ZFHX2: variants seen among roughly 807,000 people sequenced by gnomAD.
The protein encoded by ZFHX2 is zinc finger homeobox protein 2.
A neutral mutation model predicts 164.8 loss-of-function variants in ZFHX2; 75 were observed. The observed-to-expected ratio is 0.46, with a 90% CI of 0.38 to 0.55. ZFHX2 has a LOEUF of 0.55. Among genes scored for constraint, ZFHX2 ranks in the 20% least tolerant of loss-of-function variants. ZFHX2 has a pLI of 0.00. For synonymous variants in ZFHX2, 1,217 were observed against 1,351.4 expected, an observed-to-expected ratio of 0.90 and a Z score of 2.18; for missense variants, 2,933 against 3,308.0, an observed-to-expected ratio of 0.89 and a Z score of 2.78.
At chr14:23,540,747 C>T (rs1312065341) in intron 1 of ZFHX2, among the ~76,000 whole-genome samples, 1 of 152,166 alleles carries the variant, frequency 6.6e-6, no homozygotes, top group African/African-American at 2.4e-5. Flanking sequence ...TTTCCTTACT[C>T]AGTTGTGAAG....
Position 23,523,193 on chromosome 14 carries a change from C to G in ZFHX2, c.6739+10G>C, listed in dbSNP as rs1010724194. 5 of 1,415,708 alleles carry G rather than the reference C, an allele frequency of 3.5e-6. No homozygotes were observed. The Admixed American group carries it at 1.6e-4, about 45-fold the overall frequency. The allele number at this position is 1,415,708 out of a possible 1,614,324, so 87.7% of individuals were successfully genotyped here. ...TCTGAAGTCCAGCTCCTCCCAGCCT[C>G]CCTACTCACCTGAATTGAAAGGAGC... On this transcript the variant is annotated intron_variant, in intron 9 of 9. Coordinates refer to ENST00000419474, the MANE Select transcript of ZFHX2 (RefSeq NM_033400.3). The surrounding 1 kb of genome is among the most constrained non-coding windows in gnomAD (Gnocchi z 4.1).
intron 1 of ZFHX2, among the ~76,000 whole-genome samples, chr14:23,550,845 G>C (rs940825986): frequency 3.3e-5 from 5 of 151,546 alleles, no homozygotes; most frequent in Non-Finnish European, 5.9e-5. Flanking sequence ...GCCCCAGCGC[G>C]CTAGCCCATC....
chr14:23,523,619 ACT>A lies in ZFHX2; in HGVS notation c.6321_6322del (p.Arg2107SerfsTer31). ...AGCATTCTGGAACCAGACCTGGATG[ACT>A]CTCTTGGGCAGCCCAATCTCCTCTC... On this transcript the variant is annotated frameshift_variant, in exon 9 of 10. Transcript: ENST00000419474. LOFTEE classifies it high-confidence loss of function. This position sits in a 1 kb window ranked among gnomAD's most constrained non-coding sequence, Gnocchi z 4.1. 1.3e-6 allele frequency: 2 copies of A among 1,557,424 alleles called. No individual in the cohort carries two copies. Among genetic ancestry groups the A allele is most frequent in the Non-Finnish European group, 1.7e-6 (2 of 1,157,746 alleles).
Position 23,534,461 on chromosome 14 carries a change from T to TGA in ZFHX2, c.863_864dup (p.Ile289SerfsTer2). ...GGGAGTTTTGGCTCCAGAAAGCTTA[T>TGA]GAGGGCCTTGCAGCCTTCATCTCCC... is the stretch of plus-strand genomic sequence containing the variant. On this transcript the variant is annotated frameshift_variant, in exon 2 of 10. Transcript: ENST00000419474. LOFTEE classifies it high-confidence loss of function. The surrounding 1 kb of genome is among the most constrained non-coding windows in gnomAD (Gnocchi z 4.5). 1 of 1,536,364 alleles carries TGA rather than the reference T, an allele frequency of 6.5e-7. No homozygotes were observed. Among genetic ancestry groups the TGA allele is most frequent in the Non-Finnish European group, 8.7e-7 (1 of 1,146,964 alleles).
At position 23,551,196 on chromosome 14, in the gene ZFHX2, C is replaced by T. The variant is rs1374028281; in HGVS notation, c.-50+147G>A. On this transcript the variant is annotated intron_variant, in intron 1 of 9. Transcript: ENST00000419474. This position sits in a 1 kb window ranked among gnomAD's most constrained non-coding sequence, Gnocchi z 5.3. ...CCGTCCTTGTCCCCTCCCCCAGCCC[C>T]TTCCCGTCCCTCTCCGTCCCCTCCA... 3 of 152,916 alleles carry T rather than the reference C, an allele frequency of 2.0e-5. No individual in the cohort carries two copies. The highest frequency in any genetic ancestry group is 7.2e-5 in the African/African-American group (3 of 41,538). The allele number at this position is 152,916 out of a possible 1,614,324, so 9.5% of individuals were successfully genotyped here. A position where few individuals can be genotyped will look rare whatever the true frequency, so the allele number is the denominator to read the frequency against.
Position 23,534,887 on chromosome 14 carries a change from C to T in ZFHX2, c.439G>A (p.Ala147Thr). ...LLPKGFPWGE[A>T]GIKEEPSLPF... is the part of the protein sequence containing the mutation. ...AGACTGGGCTCTTCCTTGATGCCCG[C>T]CTCACCCCAGGGGAAGCCCTTTGGT... The change falls in exon 2 of 10, where the codon GCG becomes ACG. Residue 147 changes from alanine (A) to threonine (T), a missense_variant. Physicochemically the swap from Ala to Thr is moderately conservative, Grantham distance 58 (BLOSUM62 0). Coordinates refer to ENST00000419474, the MANE Select transcript of ZFHX2 (RefSeq NM_033400.3). The surrounding 1 kb of genome is among the most constrained non-coding windows in gnomAD (Gnocchi z 4.5). 6.5e-7 allele frequency: 1 copy of T among 1,536,112 alleles called. No individual in the cohort carries two copies. The highest frequency in any genetic ancestry group is 8.7e-7 in the Non-Finnish European group (1 of 1,146,902).
chr14:23,523,165 T>G lies in ZFHX2; in HGVS notation c.6739+38A>C. On this transcript the variant is annotated intron_variant, in intron 9 of 9. Transcript: ENST00000419474. The surrounding 1 kb of genome is among the most constrained non-coding windows in gnomAD (Gnocchi z 4.1). ...AAGGGCATGTCATTAGAGGGGGATG[T>G]TCTCTGAAGTCCAGCTCCTCCCAGC... 1 of 1,409,142 alleles carries G rather than the reference T, an allele frequency of 7.1e-7. No individual in the cohort carries two copies. The highest frequency in any genetic ancestry group is 9.2e-7 in the Non-Finnish European group (1 of 1,087,370). The allele number at this position is 1,409,142 out of a possible 1,614,324, so 87.3% of individuals were successfully genotyped here.
chr14:23,529,799 C>A (rs999459911), intron 5 of ZFHX2, 31 bp from the exon 6 acceptor site: 29 of 1,529,122 alleles, frequency 1.9e-5, no homozygotes, highest in Non-Finnish European at 2.3e-5. Flanking sequence ...GATTAAGGAA[C>A]CCTGACAGCC....
Position 23,533,601 on chromosome 14 carries a change from G to A in ZFHX2, c.1725C>T (p.Ser575=), listed in dbSNP as rs775891261. 1 of 1,536,650 alleles carries A rather than the reference G, an allele frequency of 6.5e-7. No homozygotes were observed. The highest frequency in any genetic ancestry group is 8.7e-7 in the Non-Finnish European group (1 of 1,147,040). ...GGTTACGGGAGATGTTTGTCTCGTA[G>A]CTGCACACCTTGCACTGCCAGGATG... The part of the protein sequence containing the change: ...TKSSWQCKVC[S]YETNISRNLR... The change falls in exon 2 of 10, where the codon AGC becomes AGT. Residue 575 remains serine, a synonymous_variant. Coordinates refer to ENST00000419474, the MANE Select transcript of ZFHX2 (RefSeq NM_033400.3). This position sits in a 1 kb window ranked among gnomAD's most constrained non-coding sequence, Gnocchi z 4.8.
chr14:23,524,303 G>A lies in ZFHX2; in HGVS notation c.5639C>T (p.Ser1880Phe), dbSNP rs1245198192. ...GTCGAGCATCTTGCGTGTTGGGTTG[G>A]AATCCTGCATGTACCAACGGTACAG... ...EILYRWYMQD[S>F]NPTRKMLDCI... is the part of the protein sequence containing the mutation. The change falls in exon 9 of 10, where the codon TCC (serine) becomes TTC (phenylalanine). Residue 1880 changes from serine (S) to phenylalanine (F), a missense_variant. Coordinates refer to ENST00000419474, the MANE Select transcript of ZFHX2 (RefSeq NM_033400.3). This position sits in a 1 kb window ranked among gnomAD's most constrained non-coding sequence, Gnocchi z 5.6. 8 of 1,536,230 alleles carry A rather than the reference G, an allele frequency of 5.2e-6. No individual in the cohort carries two copies. The highest frequency in any genetic ancestry group is 1.4e-5 in the African/African-American group (1 of 73,040).
At chr14:23,527,005 A>G in intron 7 of ZFHX2, 32 bp from the exon 8 acceptor site, 1 of 1,473,504 alleles carries the variant, frequency 6.8e-7, no homozygotes, top group Non-Finnish European at 8.9e-7. Context: ...TGGCTTCACC[A>G]CCACCCCCCA....
chr14:23,539,567 A>G (rs1403447480), intron 1 of ZFHX2, among the ~76,000 whole-genome samples: 2 of 152,326 alleles, frequency 1.3e-5, no homozygotes, highest in East Asian at 1.9e-4. Context: ...GACAAAGGGC[A>G]TGGGCAAAGG....
intron 4 of ZFHX2, 136 bp from the exon 5 acceptor site, chr14:23,530,330 T>G (rs1234713905): frequency 4.0e-6 from 3 of 742,702 alleles, no homozygotes; most frequent in Non-Finnish European, 7.0e-6. Flanking sequence ...TAGGAGAGTA[T>G]GAAAAGCCAA....
At chr14:23,529,395 T>G in intron 6 of ZFHX2, 2 of 336,064 alleles carry the variant, frequency 6.0e-6, no homozygotes, top group Non-Finnish European at 1.1e-5. Context: ...TGTTTGCTTT[T>G]GCCTTTCTCC....
chr14:23,550,450 G>C (rs186192703), intron 1 of ZFHX2, among the ~76,000 whole-genome samples: 17 of 152,340 alleles, frequency 1.1e-4, no homozygotes, highest in Non-Finnish European at 2.4e-4. Context: ...GACACATAGT[G>C]ATAGAGACAC....
rs1379962784 is a variant in ZFHX2, at chr14:23,522,322, G to A, written c.7359C>T (p.Cys2453=). ...STVDVTHRYL[C]RQCKMAFDGE... is the part of the protein sequence containing the mutation. ...CGTCAAATGCCATCTTGCACTGGCG[G>A]CACAGGTAGCGATGGGTTACATCCA... The change falls in exon 10 of 10, where the codon TGC becomes TGT. Residue 2453 remains cysteine, a synonymous_variant. Transcript: ENST00000419474. The A allele has an allele frequency of 1.3e-6, 2 of 1,528,768 alleles. No individual in the cohort carries two copies. Among genetic ancestry groups the A allele is most frequent in the Admixed American group, 4.0e-5 (2 of 50,364 alleles). The allele number at this position is 1,528,768 out of a possible 1,614,324, so 94.7% of individuals were successfully genotyped here.
rs1470063036 is a variant in ZFHX2, at chr14:23,532,808, A to G, written c.2318T>C (p.Phe773Ser). The part of the protein sequence containing the change: ...CCYGTQLKAN[F>S]QLHLKTDKHA... ...TTTGTCAGTCTTGAGGTGGAGTTGG[A>G]AGTTGGCCTTGAGCTGGGTGCCATA... The change falls in exon 3 of 10, where the codon TTC becomes TCC. Residue 773 changes from phenylalanine to serine, a missense_variant. Transcript: ENST00000419474. The G allele has an allele frequency of 6.5e-7, 1 of 1,536,508 alleles. No individual in the cohort carries two copies. Among genetic ancestry groups the G allele is most frequent in the Non-Finnish European group, 8.7e-7 (1 of 1,147,020 alleles).
At chr14:23,527,864 A>G in intron 6 of ZFHX2, 60 bp from the exon 7 acceptor site, 1 of 1,452,652 alleles carries the variant, frequency 6.9e-7, no homozygotes, top group Non-Finnish European at 9.3e-7. Flanking sequence ...CCACCATCAC[A>G]TAGTCCTTTG....
intron 1 of ZFHX2, among the ~76,000 whole-genome samples, chr14:23,541,745 C>A (rs1352732065): frequency 6.6e-6 from 1 of 152,218 alleles, no homozygotes. Flanking sequence ...ACTATTCTGG[C>A]CTTTCCCTGC....
Sources: gnomAD v4.1 joint callset for allele counts (sites outside exome capture counted in the v4.1 genomes callset) on GRCh38, gnomAD v4.1.1 for gene constraint, Gnocchi (gnomAD v3.1) non-coding constraint, MANE v1.5 for transcripts, NCBI Gene and HGNC (gene_info 2026-07-23, HGNC 2026-07-21) for gene names.